The following ARL15 variants were observed in gnomAD, a reference collection of about 807,000 sequenced individuals.
ARL15 encodes the protein ARF like GTPase 15.
A neutral mutation model predicts 25.2 loss-of-function variants in ARL15; 19 were observed. That is an observed-to-expected ratio of 0.75 (90% CI 0.53 to 1.10). ARL15 has a LOEUF of 1.10. ARL15 is among the 50% of genes least tolerant of loss of function. The pLI is 0.00. For missense variants in ARL15, 220 were observed against 246.0 expected, an observed-to-expected ratio of 0.89 and a Z score of 0.71; for synonymous variants, 94 against 86.8, an observed-to-expected ratio of 1.08 and a Z score of -0.46.
chr5:53,910,639 A>T (rs1165170171), intron 4 of ARL15, among the ~76,000 whole-genome samples: 9 of 43,978 alleles, frequency 2.0e-4, no homozygotes, highest in Middle Eastern at 0.01. Context: ...AAAATTATAT[A>T]TATATATATA....
intron 3 of ARL15, among the ~76,000 whole-genome samples, chr5:54,129,148 GT>G (rs1346624028): frequency 2.6e-5 from 4 of 152,078 alleles, no homozygotes; most frequent in African/African-American, 9.7e-5. Flanking sequence ...ATATATGACT[GT>G]TTGTATACTA....
At chr5:54,130,015 G>A (rs1475082528) in intron 3 of ARL15, among the ~76,000 whole-genome samples, 1 of 152,194 alleles carries the variant, frequency 6.6e-6, no homozygotes, top group Non-Finnish European at 1.5e-5. Flanking sequence ...AAGGTGGGAA[G>A]ATTGCTTGAG....
intron 4 of ARL15, among the ~76,000 whole-genome samples, chr5:54,085,137 T>C (rs1188969742): frequency 6.6e-6 from 1 of 152,182 alleles, no homozygotes; most frequent in African/African-American, 2.4e-5. Flanking sequence ...TGCTACCATG[T>C]CTTTTCTGTA....
chr5:54,307,581 TC>T (rs1256479833), intron 1 of ARL15, among the ~76,000 whole-genome samples: 1 of 152,206 alleles, frequency 6.6e-6, no homozygotes, highest in East Asian at 1.9e-4. Flanking sequence ...TTTTAAGAAA[TC>T]AACAGCGACC....
chr5:53,903,349 A>G (rs1381830452), intron 4 of ARL15, among the ~76,000 whole-genome samples: 1 of 152,126 alleles, frequency 6.6e-6, no homozygotes, highest in Non-Finnish European at 1.5e-5. Flanking sequence ...TTCCCACGGG[A>G]CATTTGATAA....
At chr5:53,952,958 A>T (rs184215286) in intron 4 of ARL15, among the ~76,000 whole-genome samples, 1 of 152,236 alleles carries the variant, frequency 6.6e-6, no homozygotes, top group Non-Finnish European at 1.5e-5. Context: ...CAAAGGATAA[A>T]ATCTCAAAGC....
At chr5:53,908,202 G>A (rs993245119) in intron 4 of ARL15, among the ~76,000 whole-genome samples, 3 of 152,044 alleles carry the variant, frequency 2.0e-5, no homozygotes, top group Non-Finnish European at 4.4e-5. Context: ...CTCTTACTGT[G>A]CCTAATTTAT....
rs138098088 is a variant in ARL15 at position 54,010,666 on chromosome 5, A to G, written c.462+102536T>C. The stretch of plus-strand genomic sequence containing the variant: ...TGGTTTCTGAAGAAATTATCGCATT[A>G]TTTTATTGATCCCAACAATGACTCC... On this transcript the variant is annotated intron_variant, in intron 4 of 4. Coordinates refer to ENST00000504924, the MANE Select transcript of ARL15 (RefSeq NM_019087.3). Among the ~76,000 whole-genome samples, 11 of 152,326 alleles carry G rather than the reference A, an allele frequency of 7.2e-5. No individual in the cohort carries two copies. The East Asian group carries it at 2.1e-3, about 29-fold the overall frequency.
chr5:54,273,428 T>C (rs571211238), intron 1 of ARL15, among the ~76,000 whole-genome samples: 4 of 152,298 alleles, frequency 2.6e-5, no homozygotes, highest in South Asian at 2.1e-4. Context: ...ATTAGACAAA[T>C]CTAAACTGAA....
intron 1 of ARL15, among the ~76,000 whole-genome samples, chr5:54,214,323 C>T (rs1280178544): frequency 6.6e-6 from 1 of 152,200 alleles, no homozygotes; most frequent in Non-Finnish European, 1.5e-5. Flanking sequence ...CTAGAACAGG[C>T]AGCAGTTCTC....
chr5:54,176,642 G>A (rs916377288), intron 1 of ARL15, among the ~76,000 whole-genome samples: 7 of 152,030 alleles, frequency 4.6e-5, no homozygotes, highest in African/African-American at 1.4e-4. Flanking sequence ...TCATTCCCAG[G>A]CCAAACACTA....
intron 4 of ARL15, among the ~76,000 whole-genome samples, chr5:53,903,509 A>G (rs1444051183): frequency 6.6e-6 from 1 of 152,206 alleles, no homozygotes; most frequent in African/African-American, 2.4e-5. Context: ...ACAAAACATT[A>G]TGTAGCCCAA....
At chr5:54,047,221 A>G (rs1324065766) in intron 4 of ARL15, among the ~76,000 whole-genome samples, 1 of 152,162 alleles carries the variant, frequency 6.6e-6, no homozygotes, top group East Asian at 1.9e-4. Context: ...GTACTGAGGG[A>G]CTGCATTAAA....
chr5:53,927,549 TTTCC>T (rs1464799653), intron 4 of ARL15, among the ~76,000 whole-genome samples: 1 of 152,204 alleles, frequency 6.6e-6, no homozygotes. Context: ...CCGCATCAAA[TTTCC>T]TTCCCTAATT....
intron 1 of ARL15, among the ~76,000 whole-genome samples, chr5:54,198,460 A>C (rs1755619930): frequency 6.6e-6 from 1 of 150,716 alleles, no homozygotes; most frequent in African/African-American, 2.5e-5. Flanking sequence ...TCAGGATACA[A>C]AATCAATGTA....
intron 2 of ARL15, among the ~76,000 whole-genome samples, chr5:54,157,995 G>T (rs1754292913): frequency 6.6e-6 from 1 of 152,090 alleles, no homozygotes; most frequent in Non-Finnish European, 1.5e-5. Flanking sequence ...GGATTAAATG[G>T]AACTAAAAAT....
intron 4 of ARL15, 80 bp downstream of exon 4, chr5:54,113,122 C>T: frequency 7.4e-7 from 1 of 1,359,748 alleles, no homozygotes; most frequent in Non-Finnish European, 1.0e-6. Context: ...TTCCTAATTA[C>T]ATGCATTTTT....
At chr5:54,304,583 C>T (rs1758704846) in intron 1 of ARL15, among the ~76,000 whole-genome samples, 2 of 152,170 alleles carry the variant, frequency 1.3e-5, no homozygotes, top group Admixed American at 1.3e-4. Context: ...GACTTAACAC[C>T]TTTGTAGAAA....
At chr5:53,959,256 A>G (rs1747280327) in intron 4 of ARL15, among the ~76,000 whole-genome samples, 1 of 152,248 alleles carries the variant, frequency 6.6e-6, no homozygotes, top group African/African-American at 2.4e-5. Context: ...TGTGCTGGCT[A>G]ATAAATGTAT....
Sources: gnomAD v4.1 joint callset for allele counts (sites outside exome capture counted in the v4.1 genomes callset) on GRCh38, gnomAD v4.1.1 for gene constraint, MANE v1.5 for transcripts, NCBI Gene and HGNC (gene_info 2026-07-23, HGNC 2026-07-21) for gene names.